Variants in STAG1 observed in about 807,000 individuals in gnomAD.
STAG1 encodes the protein STAG1 cohesin complex component.
Under a neutral mutation model 170.9 loss-of-function variants are expected in STAG1, and 26 were observed. That is an observed-to-expected ratio of 0.15 (90% CI 0.11 to 0.21). The LOEUF (loss-of-function observed/expected upper bound fraction) is 0.21, where lower values mean the gene tolerates loss of function less well. Ranked by LOEUF, STAG1 falls within the 10% of genes least tolerant of loss-of-function variation. The pLI, the probability that STAG1 is intolerant of heterozygous loss-of-function variation, is 1.00. For missense variants in STAG1, 964 were observed against 1,509.5 expected (o/e 0.64, Z 5.99); for synonymous variants, 514 against 497.7 (o/e 1.03, Z -0.44).
At chr3:136,538,962 G>A (rs1418090882) in intron 6 of STAG1, among the ~76,000 whole-genome samples, 5 of 151,934 alleles carry the variant, frequency 3.3e-5, no homozygotes, top group Non-Finnish European at 5.9e-5. Context: ...GTGAAACCCC[G>A]TCTCTACTAA....
intron 28 of STAG1, 129 bp downstream of exon 28, chr3:136,357,591 C>T (rs1936706744): frequency 2.9e-6 from 2 of 694,182 alleles, no homozygotes; most frequent in South Asian, 2.4e-5. Flanking sequence ...ACTATAATTC[C>T]TTAAAACAAA....
chr3:136,746,687 C>A (rs971866661), intron 1 of STAG1, among the ~76,000 whole-genome samples: 8 of 152,162 alleles, frequency 5.3e-5, no homozygotes, highest in African/African-American at 1.9e-4. Flanking sequence ...TCTCCTCAGT[C>A]GGGCGCAGTG....
chr3:136,444,371 G>A (rs1177999105), intron 14 of STAG1, among the ~76,000 whole-genome samples: 1 of 152,322 alleles, frequency 6.6e-6, no homozygotes, highest in South Asian at 2.1e-4. Context: ...ACCATGCTGG[G>A]CCCTGAGAAT....
intron 7 of STAG1, among the ~76,000 whole-genome samples, chr3:136,514,331 T>C (rs1168084210): frequency 1.3e-5 from 2 of 152,182 alleles, no homozygotes; most frequent in Non-Finnish European, 2.9e-5. Context: ...TCACTGGTCA[T>C]CGGAGAAATG....
intron 5 of STAG1, among the ~76,000 whole-genome samples, chr3:136,558,164 G>A (rs1936698977): frequency 6.6e-6 from 1 of 152,170 alleles, no homozygotes; most frequent in Non-Finnish European, 1.5e-5. Flanking sequence ...GCCCAAGGTG[G>A]GCAGGTCACC....
rs200527952 is a variant in STAG1, at chr3:136,521,283, T to C, written c.606A>G (p.Thr202=). The change falls in exon 7 of 34, where the codon ACA becomes ACG. Residue 202 remains threonine (T), a synonymous_variant. Coordinates refer to ENST00000383202, the MANE Select transcript of STAG1 (RefSeq NM_005862.3). ...ACAAACCCGTCAAAAGGGAGATTAC[T>C]GTGTCCATCATATACTCATCATAAA... ...SIIYDEYMMD[T]VISLLTGLSD... 7.4e-6 allele frequency: 12 copies of C among 1,613,852 alleles called. No individual in the cohort carries two copies. Among genetic ancestry groups the C allele is most frequent in the Admixed American group, 1.7e-5 (1 of 59,980 alleles).
intron 2 of STAG1, among the ~76,000 whole-genome samples, chr3:136,630,457 C>G (rs1377618645): frequency 1.3e-5 from 2 of 152,058 alleles, no homozygotes; most frequent in African/African-American, 4.8e-5. Flanking sequence ...TTGTAAATGG[C>G]CAGACTAAAT....
chr3:136,752,165 CCCGCCG>C (rs1935297701), intron 1 of STAG1, 24 bp downstream of exon 1: 1 of 153,598 alleles, frequency 6.5e-6, no homozygotes, highest in African/African-American at 2.4e-5. Flanking sequence ...TTTCCCGCCC[CCCGCCG>C]CCGTCGCCGC....
intron 1 of STAG1, among the ~76,000 whole-genome samples, chr3:136,651,845 T>C (rs969085834): frequency 1.3e-5 from 2 of 152,154 alleles, no homozygotes; most frequent in Non-Finnish European, 2.9e-5. Context: ...TCCTAAGCTC[T>C]GTGAAAACCA....
At chr3:136,445,642 CTTTTGTGCTTGATTATG>C (rs1328272159) in intron 14 of STAG1, among the ~76,000 whole-genome samples, 2 of 152,100 alleles carry the variant, frequency 1.3e-5, no homozygotes, top group African/African-American at 4.8e-5. Flanking sequence ...GCTGAATATG[CTTTTGTGCTTGATTATG>C]TGTATTTCTG....
At chr3:136,477,245 A>T (rs1399190216) in intron 10 of STAG1, 44 bp downstream of exon 10, 2 of 1,551,002 alleles carry the variant, frequency 1.3e-6, no homozygotes, top group East Asian at 4.7e-5. Flanking sequence ...TTTAGTACTG[A>T]GACAAACATA....
At chr3:136,665,680 T>C (rs1026780090) in intron 1 of STAG1, among the ~76,000 whole-genome samples, 6 of 149,992 alleles carry the variant, frequency 4.0e-5, no homozygotes, top group Admixed American at 2.0e-4. Flanking sequence ...CTGGGGAGGC[T>C]GAGGCAGGAG....
chr3:136,500,088 C>A (rs900048), intron 9 of STAG1, 135 bp downstream of exon 9: 2 of 610,208 alleles, frequency 3.3e-6, no homozygotes, highest in African/African-American at 1.9e-5. Context: ...TAGTGTGACA[C>A]TGACAGCCAA....
At chr3:136,699,108 T>C (rs887185371) in intron 1 of STAG1, among the ~76,000 whole-genome samples, 3 of 152,128 alleles carry the variant, frequency 2.0e-5, no homozygotes, top group Non-Finnish European at 2.9e-5. Context: ...AGCCTACATA[T>C]TGGGCACAGT....
In STAG1 at chr3:136,604,329, G is replaced by T. The variant is rs761708567; in HGVS notation, c.277C>A (p.Leu93Met). ...EPVTLFEVVKLGKSAMQSVVD... is the reference protein window; with the variant it reads ...EPVTLFEVVKMGKSAMQSVVD... ...TTTACCTGCATTGCACTTTTCCCCA[G>T]TTTCACCACCTCAAATAATGTGACA... The change falls in exon 4 of 34, where the codon CTG (leucine) becomes ATG (methionine). Residue 93 changes from leucine to methionine, a missense_variant. Physicochemically the swap from Leu to Met is conservative, Grantham distance 15. Transcript: ENST00000383202. 9.3e-6 allele frequency: 15 copies of T among 1,608,788 alleles called. No individual in the cohort carries two copies. The highest frequency in any genetic ancestry group is 1.2e-5 in the Non-Finnish European group (14 of 1,178,824).
At chr3:136,405,580 G>C (rs2087457868) in intron 21 of STAG1, among the ~76,000 whole-genome samples, 1 of 151,432 alleles carries the variant, frequency 6.6e-6, no homozygotes, top group South Asian at 2.1e-4. Flanking sequence ...GTTAGGCCAG[G>C]TGTGGTGGTT....
intron 4 of STAG1, among the ~76,000 whole-genome samples, chr3:136,581,102 C>T (rs1039965827): frequency 6.6e-6 from 1 of 152,094 alleles, no homozygotes; most frequent in East Asian, 1.9e-4. Context: ...CCTCCTACCT[C>T]AGCCTCCCAA....
chr3:136,421,874 G>A (rs1384312402), intron 19 of STAG1, among the ~76,000 whole-genome samples: 6 of 152,040 alleles, frequency 3.9e-5, no homozygotes, highest in Middle Eastern at 3.4e-3. Flanking sequence ...TTTTTTGCCC[G>A]ATGTGGTGGC....
At chr3:136,657,191 T>C (rs1163841275) in intron 1 of STAG1, among the ~76,000 whole-genome samples, 1 of 34,464 alleles carries the variant, frequency 2.9e-5, no homozygotes, top group Non-Finnish European at 5.9e-5. Flanking sequence ...CTTTCTTTCT[T>C]TTTTTTTTTT....
Sources: allele counts gnomAD v4.1 joint callset (sites outside exome capture counted in the v4.1 genomes callset), GRCh38; gene constraint gnomAD v4.1.1; transcripts MANE v1.5; gene names NCBI Gene and HGNC (gene_info 2026-07-23, HGNC 2026-07-21).